PPM1L: variants seen among roughly 807,000 people sequenced by gnomAD.
PPM1L encodes protein phosphatase 1L.
In PPM1L, 13 loss-of-function variants were observed where a neutral mutation model predicts 31.4. That is an observed-to-expected ratio of 0.41 (90% CI 0.27 to 0.66). PPM1L has a LOEUF of 0.66. Among genes scored for constraint, PPM1L ranks in the 30% least tolerant of loss-of-function variants. The probability of loss-of-function intolerance (pLI) is 0.29; values close to 1 mark genes in which losing one functional copy is unlikely to be tolerated. For synonymous variants in PPM1L, 184 were observed against 175.4 expected (o/e 1.05, Z -0.39); for missense variants, 326 against 453.7 (o/e 0.72, Z 2.56).
intron 2 of PPM1L, among the ~76,000 whole-genome samples, chr3:160,991,862 C>A (rs1294432187): frequency 6.6e-6 from 1 of 152,168 alleles, no homozygotes; most frequent in Non-Finnish European, 1.5e-5. Context: ...GAAGACAGCT[C>A]AATCTCTTGG....
At chr3:160,927,443 A>C (rs1714633531) in intron 1 of PPM1L, among the ~76,000 whole-genome samples, 1 of 151,840 alleles carries the variant, frequency 6.6e-6, no homozygotes, top group African/African-American at 2.4e-5. Context: ...CCTACATAGC[A>C]TTTTTTTTCT....
At chr3:160,965,206 G>A (rs1259534333) in intron 2 of PPM1L, among the ~76,000 whole-genome samples, 9 of 151,590 alleles carry the variant, frequency 5.9e-5, no homozygotes, top group Admixed American at 4.6e-4. Context: ...AGCCGAGATC[G>A]CGCCACTGCA....
At position 161,075,160 on chromosome 3, in the gene PPM1L, T is replaced by C. The variant is rs1343807682; in HGVS notation, c.*6003T>C. On this transcript the variant is annotated 3_prime_UTR_variant, in exon 4 of 4. Coordinates refer to ENST00000498165, the MANE Select transcript of PPM1L (RefSeq NM_139245.4). Reference sequence around the variant, plus strand: ...TTACCTTTTGTCATGAGGCAGTTCATAAATTAAATATGATATCATGCATTA... The same window carrying C: ...TTACCTTTTGTCATGAGGCAGTTCACAAATTAAATATGATATCATGCATTA... 1.3e-5 allele frequency: 2 copies of C among 152,190 alleles called. No individual in the cohort carries two copies. The highest frequency in any genetic ancestry group is 2.9e-5 in the Non-Finnish European group (2 of 68,046). 9.4% of individuals were successfully genotyped at this position (152,190 alleles called of 1,614,324 possible). A position where few individuals can be genotyped will look rare whatever the true frequency, so the allele number is the denominator to read the frequency against.
intron 2 of PPM1L, among the ~76,000 whole-genome samples, chr3:161,032,682 C>CAGA (rs756686668): frequency 2.3e-5 from 3 of 132,504 alleles, no homozygotes; most frequent in Non-Finnish European, 4.6e-5. Flanking sequence ...TGCCTCAGTA[C>CAGA]AGAGAAGTCC....
chr3:161,025,309 A>T lies in PPM1L; in HGVS notation c.575-40094A>T, dbSNP rs1386377730. Among the ~76,000 whole-genome samples, 6 of 152,250 alleles carry T rather than the reference A, an allele frequency of 3.9e-5. No homozygotes were observed. In the East Asian group the frequency reaches 5.8e-4, roughly 15 times the overall value. ...CCAGGTACAGTGGCTTGCGCTTATA[A>T]TCCCAGCTACTCAGAGGGCTGAGGC... On this transcript the variant is annotated intron_variant, in intron 2 of 3. Coordinates refer to ENST00000498165, the MANE Select transcript of PPM1L (RefSeq NM_139245.4).
chr3:160,932,391 T>C (rs1282381837), intron 1 of PPM1L, among the ~76,000 whole-genome samples: 3 of 152,214 alleles, frequency 2.0e-5, no homozygotes, highest in South Asian at 2.1e-4. Flanking sequence ...ACTTTGTTTC[T>C]GACTTCTATT....
chr3:160,767,578 TG>T (rs1415996860), intron 1 of PPM1L, among the ~76,000 whole-genome samples: 1 of 152,204 alleles, frequency 6.6e-6, no homozygotes, highest in Admixed American at 6.5e-5. Flanking sequence ...GTCTATTGCA[TG>T]TCAATAAACC....
At chr3:160,895,815 G>T (rs1713317474) in intron 1 of PPM1L, among the ~76,000 whole-genome samples, 1 of 152,130 alleles carries the variant, frequency 6.6e-6, no homozygotes, top group African/African-American at 2.4e-5. Context: ...GTCTAATATT[G>T]TTACCAAGTA....
At chr3:161,026,052 T>C (rs1004832100) in intron 2 of PPM1L, among the ~76,000 whole-genome samples, 1 of 152,060 alleles carries the variant, frequency 6.6e-6, no homozygotes, top group African/African-American at 2.4e-5. Context: ...TTAAGACTAG[T>C]TTTGCAATGT....
rs188945599 is a variant in PPM1L at position 161,001,036 on chromosome 3, A to G, written c.574+39126A>G. Among the ~76,000 whole-genome samples, 1,317 of 152,348 alleles carry G rather than the reference A, an allele frequency of 8.6e-3. 14 individuals are homozygous for G. The highest frequency in any genetic ancestry group is 0.014 in the Non-Finnish European group (931 of 68,028). ...TTCCTAGGCATTTAATTTCAAGAAT[A>G]TAACTTGAGTCTACTTCAAATTATT... On this transcript the variant is annotated intron_variant, in intron 2 of 3. Transcript: ENST00000498165.
At chr3:160,771,356 A>T (rs1463788608) in intron 1 of PPM1L, among the ~76,000 whole-genome samples, 1 of 151,726 alleles carries the variant, frequency 6.6e-6, no homozygotes, top group Non-Finnish European at 1.5e-5. Context: ...TCCTGGGCTC[A>T]GGTGATCCTC....
chr3:160,756,365 C>T lies in PPM1L; in HGVS notation c.57C>T (p.Phe19=), dbSNP rs751619597. 3 of 1,614,232 alleles carry T rather than the reference C, an allele frequency of 1.9e-6. No individual in the cohort carries two copies. The highest frequency in any genetic ancestry group is 1.7e-5 in the Admixed American group (1 of 60,036). The change falls in exon 1 of 4, where the codon TTC becomes TTT. Residue 19 remains phenylalanine, a synonymous_variant. Coordinates refer to ENST00000498165, the MANE Select transcript of PPM1L (RefSeq NM_139245.4). This position sits in a 1 kb window ranked among gnomAD's most constrained non-coding sequence, Gnocchi z 6.2. ...LSLLGRIMRY[F]LLRPETLFLL... ...TGCTGGGTCGCATCATGCGCTACTT[C>T]TTGCTGAGACCCGAGACGCTTTTCC...
intron 2 of PPM1L, among the ~76,000 whole-genome samples, chr3:161,049,368 AAATGCTCATT>A (rs1393813467): frequency 2.0e-5 from 3 of 152,194 alleles, no homozygotes; most frequent in African/African-American, 7.2e-5. Flanking sequence ...TGCTTAAAGG[AAATGCTCATT>A]CGAGCATTTT....
At chr3:161,006,045 G>A (rs967771755) in intron 2 of PPM1L, among the ~76,000 whole-genome samples, 1 of 151,894 alleles carries the variant, frequency 6.6e-6, no homozygotes, top group African/African-American at 2.4e-5. Flanking sequence ...GTCTCAACGA[G>A]ATATTTTTAC....
chr3:160,795,540 G>A (rs537586606), intron 1 of PPM1L, among the ~76,000 whole-genome samples: 2 of 152,242 alleles, frequency 1.3e-5, no homozygotes, highest in South Asian at 2.1e-4. Flanking sequence ...ACTGTGATCC[G>A]TAAGTTGGGT....
intron 2 of PPM1L, among the ~76,000 whole-genome samples, chr3:161,036,568 A>C (rs1718747864): frequency 6.6e-6 from 1 of 152,216 alleles, no homozygotes; most frequent in Non-Finnish European, 1.5e-5. Context: ...GTTATCCTTC[A>C]GTAATTGGTA....
intron 1 of PPM1L, among the ~76,000 whole-genome samples, chr3:160,772,037 T>C (rs759713938): frequency 9.9e-5 from 15 of 152,164 alleles, no homozygotes; most frequent in Non-Finnish European, 2.2e-4. Flanking sequence ...TGCCTGGGCC[T>C]GGATTTGTCT....
intron 2 of PPM1L, among the ~76,000 whole-genome samples, chr3:160,964,542 G>C (rs542844322): frequency 6.6e-6 from 1 of 152,118 alleles, no homozygotes; most frequent in African/African-American, 2.4e-5. Context: ...ACAGAAGAAA[G>C]TGCACATATA....
In PPM1L at chr3:160,945,762, T is replaced by G. The variant is rs879864372; in HGVS notation, c.400-15974T>G. Among the ~76,000 whole-genome samples, 37 of 152,046 alleles carry G rather than the reference T, an allele frequency of 2.4e-4. 1 individual carries two copies. The highest frequency in any genetic ancestry group is 7.2e-4 in the Admixed American group (11 of 15,254). ...TCAATCCTAAGACAGCAAGACCAACTCCTCCTTTTTCTCCTCCTCCTCAGC... is the reference window on the plus strand; with the variant it reads ...TCAATCCTAAGACAGCAAGACCAACGCCTCCTTTTTCTCCTCCTCCTCAGC... On this transcript the variant is annotated intron_variant, in intron 1 of 3. Coordinates refer to ENST00000498165, the MANE Select transcript of PPM1L (RefSeq NM_139245.4).
Sources: allele counts gnomAD v4.1 joint callset (sites outside exome capture counted in the v4.1 genomes callset), GRCh38; gene constraint gnomAD v4.1.1; non-coding constraint Gnocchi (gnomAD v3.1); transcripts MANE v1.5; gene names NCBI Gene and HGNC (gene_info 2026-07-23, HGNC 2026-07-21).